Variants in TLK2 observed in about 807,000 individuals in gnomAD.
TLK2 encodes tousled like kinase 2.
Under a neutral mutation model 117.3 loss-of-function variants are expected in TLK2, and 6 were observed. The ratio of observed to expected loss-of-function variants is 0.05; its 90% CI spans 0.03 to 0.10. TLK2 has a LOEUF of 0.10. TLK2 is among the 10% of genes least tolerant of loss of function. The pLI, the probability that TLK2 is intolerant of heterozygous loss-of-function variation, is 1.00. For missense variants in TLK2, 299 were observed against 901.2 expected (o/e 0.33, Z 8.56); for synonymous variants, 257 against 316.7 (o/e 0.81, Z 2.00).
At chr17:62,537,351 A>G (rs2077186611) in intron 7 of TLK2, among the ~76,000 whole-genome samples, 1 of 152,264 alleles carries the variant, frequency 6.6e-6, no homozygotes, top group South Asian at 2.1e-4. Context: ...TTACCTTAAG[A>G]AAGAGATACA....
chr17:62,568,168 C>T (rs1598638236), intron 11 of TLK2, among the ~76,000 whole-genome samples: 1 of 151,672 alleles, frequency 6.6e-6, no homozygotes, highest in East Asian at 1.9e-4. Context: ...GTGGTGGCTC[C>T]CACCTGTAAT....
intron 7 of TLK2, among the ~76,000 whole-genome samples, chr17:62,548,192 C>T (rs2078092326): frequency 6.7e-6 from 1 of 149,342 alleles, no homozygotes; most frequent in Admixed American, 6.7e-5. Context: ...TGCCTACTTC[C>T]TCAGTTTACT....
intron 2 of TLK2, among the ~76,000 whole-genome samples, chr17:62,485,665 G>C (rs1455074697): frequency 7.0e-6 from 1 of 142,486 alleles, no homozygotes; most frequent in African/African-American, 2.6e-5. Flanking sequence ...TTTCTGTCAT[G>C]AACTGATGAG....
intron 9 of TLK2, among the ~76,000 whole-genome samples, chr17:62,554,258 G>A (rs376954391): frequency 6.6e-6 from 1 of 152,096 alleles, no homozygotes; most frequent in Non-Finnish European, 1.5e-5. Context: ...ATGCAATTTG[G>A]CATGACTGAC....
chr17:62,559,007 A>G (rs2079056546), intron 9 of TLK2, among the ~76,000 whole-genome samples: 1 of 152,172 alleles, frequency 6.6e-6, no homozygotes, highest in Non-Finnish European at 1.5e-5. Context: ...AAGAGCTGAG[A>G]TCTTTTTTTT....
intron 12 of TLK2, 37 bp from the exon 13 acceptor site, chr17:62,576,672 C>T (rs772022946): frequency 6.7e-7 from 1 of 1,490,400 alleles, no homozygotes; most frequent in Non-Finnish European, 9.4e-7. Context: ...ACTATGATTT[C>T]TAGTAGTTTA....
chr17:62,520,960 G>A (rs777517952), intron 3 of TLK2, 116 bp downstream of exon 3: 20 of 1,196,948 alleles, frequency 1.7e-5, no homozygotes, highest in Non-Finnish European at 2.3e-5. Context: ...ATTGCTTGAG[G>A]CTGGGAGTTG....
intron 20 of TLK2, 67 bp from the exon 21 acceptor site, chr17:62,607,974 G>A (rs771875759): frequency 7.7e-7 from 1 of 1,299,286 alleles, no homozygotes; most frequent in Non-Finnish European, 1.1e-6. Flanking sequence ...CTTCCCTGGG[G>A]TATTGAATTG....
At chr17:62,579,218 C>T (rs949787742) in intron 14 of TLK2, among the ~76,000 whole-genome samples, 1 of 152,186 alleles carries the variant, frequency 6.6e-6, no homozygotes, top group African/African-American at 2.4e-5. Flanking sequence ...TGGCAGACAA[C>T]AGCAGGTACC....
intron 11 of TLK2, among the ~76,000 whole-genome samples, chr17:62,570,457 G>A (rs1359846248): frequency 2.0e-5 from 3 of 152,100 alleles, no homozygotes; most frequent in African/African-American, 7.2e-5. Context: ...TGCATGCTGG[G>A]GGATATACGG....
At chr17:62,584,455 T>C (rs2081465748) in intron 15 of TLK2, among the ~76,000 whole-genome samples, 1 of 152,142 alleles carries the variant, frequency 6.6e-6, no homozygotes. Flanking sequence ...GGTTTTCTAC[T>C]GTGAAGCCAT....
In TLK2 at chr17:62,580,172, G is replaced by A. The variant is rs1406746256; in HGVS notation, c.1348G>A (p.Gly450Ser). Residue 450 changes from glycine to serine, a missense_variant, in exon 15 of 22, where the codon GGT (glycine) becomes AGT (serine). This residue lies in a region of TLK2 where 81 missense variants were observed against 370.9 expected (regional missense o/e 0.22). Transcript: ENST00000346027. ...YLLLHLLGRGGFSEVYKAFDL... is the reference protein window; with the variant it reads ...YLLLHLLGRGSFSEVYKAFDL... The stretch of plus-strand genomic sequence containing the variant: ...GTTGTTACATCTTTTGGGTAGAGGA[G>A]GTTTCAGTGAAGTTTACAAGGTAAG... 1 of 1,611,858 alleles carries A rather than the reference G, an allele frequency of 6.2e-7. No homozygotes were observed. The highest frequency in any genetic ancestry group is 8.5e-7 in the Non-Finnish European group (1 of 1,179,140).
intron 5 of TLK2, among the ~76,000 whole-genome samples, chr17:62,523,448 C>T (rs919654838): frequency 4.6e-5 from 7 of 152,166 alleles, no homozygotes; most frequent in Non-Finnish European, 7.3e-5. Flanking sequence ...GGTGTGGTGG[C>T]ACACACTTAT....
intron 9 of TLK2, among the ~76,000 whole-genome samples, chr17:62,559,187 G>GTTGT (rs781143828): frequency 6.6e-6 from 1 of 152,070 alleles, no homozygotes; most frequent in African/African-American, 2.4e-5. Context: ...GAACCAGGAC[G>GTTGT]TTGTTTGTTT....
At chr17:62,547,392 T>C (rs2078028545) in intron 7 of TLK2, among the ~76,000 whole-genome samples, 1 of 152,014 alleles carries the variant, frequency 6.6e-6, no homozygotes, top group South Asian at 2.1e-4. Flanking sequence ...GTTTGGCATT[T>C]CTAGATTTTA....
intron 6 of TLK2, 106 bp downstream of exon 6, chr17:62,524,437 A>G: frequency 1.6e-6 from 2 of 1,290,050 alleles, no homozygotes; most frequent in Non-Finnish European, 2.1e-6. Flanking sequence ...GGAATGAAGC[A>G]TTAGGGAGAA....
chr17:62,592,778 A>G (rs2082173787), intron 16 of TLK2, among the ~76,000 whole-genome samples: 1 of 152,208 alleles, frequency 6.6e-6, no homozygotes, highest in South Asian at 2.1e-4. Flanking sequence ...TACTGAATTA[A>G]TTACACAGCT....
intron 15 of TLK2, among the ~76,000 whole-genome samples, chr17:62,584,462 C>G (rs1311063587): frequency 1.3e-5 from 2 of 151,922 alleles, no homozygotes; most frequent in East Asian, 3.9e-4. Context: ...TACTGTGAAG[C>G]CATAATGGTA....
At chr17:62,536,751 C>G (rs1252470445) in intron 7 of TLK2, among the ~76,000 whole-genome samples, 3 of 152,136 alleles carry the variant, frequency 2.0e-5, no homozygotes, top group Non-Finnish European at 2.9e-5. Context: ...CAGGCATTCT[C>G]ACAGCAAGTT....
Sources: allele counts gnomAD v4.1 joint callset (sites outside exome capture counted in the v4.1 genomes callset), GRCh38; gene constraint gnomAD v4.1.1; regional missense constraint gnomAD v4.1.1; transcripts MANE v1.5; gene names NCBI Gene and HGNC (gene_info 2026-07-23, HGNC 2026-07-21).